Variants in USP6NL observed in about 807,000 individuals in gnomAD.
USP6NL encodes the protein USP6 N-terminal like.
USP6NL carries 26 observed loss-of-function variants against 61.9 expected under a neutral mutation model. The observed-to-expected ratio is 0.42, with a 90% CI of 0.31 to 0.58. USP6NL has a LOEUF of 0.58. Among genes scored for constraint, USP6NL ranks in the 20% least tolerant of loss-of-function variants. USP6NL has a pLI of 0.16. For synonymous variants in USP6NL, 432 were observed against 390.1 expected, an observed-to-expected ratio of 1.11 and a Z score of -1.27; for missense variants, 1,114 against 1,034.3, an observed-to-expected ratio of 1.08 and a Z score of -1.06.
Position 11,602,384 on chromosome 10 carries a change from T to A in USP6NL, c.-83-4667A>T, listed in dbSNP as rs2133683137. Among the ~76,000 whole-genome samples the A allele has an allele frequency of 6.6e-6, 1 of 152,268 alleles. No homozygotes were observed. The highest frequency in any genetic ancestry group is 6.5e-5 in the Admixed American group (1 of 15,292). On this transcript the variant is annotated intron_variant, in intron 1 of 14. Transcript: ENST00000609104. This position sits in a 1 kb window ranked among gnomAD's most constrained non-coding sequence, Gnocchi z 4.8. ...CAGGAAGGATTTACTATGTATAATATATAATATGTATTACAATAAATATAT... is the reference window on the plus strand; with the variant it reads ...CAGGAAGGATTTACTATGTATAATAAATAATATGTATTACAATAAATATAT...
chr10:11,566,954 A>G (rs551285708), intron 2 of USP6NL, among the ~76,000 whole-genome samples: 2 of 152,230 alleles, frequency 1.3e-5, no homozygotes, highest in African/African-American at 4.8e-5. Flanking sequence ...TCTACCAAAT[A>G]TAAGACAAAA....
chr10:11,568,170 T>C (rs1237587180), intron 2 of USP6NL, among the ~76,000 whole-genome samples: 1 of 151,790 alleles, frequency 6.6e-6, no homozygotes, highest in Admixed American at 6.6e-5. Context: ...TGTGTGTGTG[T>C]GTGTGCGCGC....
In USP6NL at chr10:11,515,737, T is replaced by C. The variant is rs1834927555; in HGVS notation, c.195+2798A>G. ...CCCTATCTTAACAGTTTGTTTTTCG[T>C]TTCAGTTAGGACTCATGAGTGAGGA... On this transcript the variant is annotated intron_variant, in intron 5 of 14. Transcript: ENST00000609104. Among the ~76,000 whole-genome samples the C allele has an allele frequency of 3.9e-5, 6 of 152,272 alleles. No homozygotes were observed. In the South Asian group the frequency reaches 1.2e-3, roughly 32 times the overall value.
chr10:11,589,791 T>C lies in USP6NL; in HGVS notation c.4+7840A>G, dbSNP rs577956886. 4.6e-5 allele frequency among the ~76,000 whole-genome samples: 7 copies of C among 152,330 alleles called. No individual in the cohort carries two copies. The highest frequency in any genetic ancestry group is 1.4e-4 in the African/African-American group (6 of 41,572). ...AAATGTTAATGAATATCTATTAGTG[T>C]CTGACTATAATCTTTTTATATTTTA... On this transcript the variant is annotated intron_variant, in intron 2 of 14. Coordinates refer to ENST00000609104, the MANE Select transcript of USP6NL (RefSeq NM_014688.5). The surrounding 1 kb of genome is among the most constrained non-coding windows in gnomAD (Gnocchi z 4.7).
chr10:11,580,538 C>T (rs966405819), intron 2 of USP6NL, among the ~76,000 whole-genome samples: 3 of 152,046 alleles, frequency 2.0e-5, no homozygotes, highest in East Asian at 1.9e-4. Context: ...GAATACTAGA[C>T]GGCATTAAAA....
At chr10:11,541,273 A>ATATGTATG (rs1322244187) in intron 2 of USP6NL, among the ~76,000 whole-genome samples, 2 of 113,558 alleles carry the variant, frequency 1.8e-5, no homozygotes, top group East Asian at 2.9e-4. Flanking sequence ...ATATATATAT[A>ATATGTATG]TATGTATGTC....
intron 2 of USP6NL, among the ~76,000 whole-genome samples, chr10:11,577,078 G>A (rs994899714): frequency 6.9e-5 from 8 of 115,852 alleles, no homozygotes; most frequent in Non-Finnish European, 1.1e-4. Context: ...TTTTTTTTTC[G>A]ATGGAGTCTG....
chr10:11,478,049 A>C lies in USP6NL; in HGVS notation c.1078+3721T>G, dbSNP rs565955525. 1.3e-5 allele frequency among the ~76,000 whole-genome samples: 2 copies of C among 152,268 alleles called. No individual in the cohort carries two copies. The highest frequency in any genetic ancestry group is 3.8e-4 in the East Asian group (2 of 5,206). On this transcript the variant is annotated intron_variant, in intron 14 of 14. Coordinates refer to ENST00000609104, the MANE Select transcript of USP6NL (RefSeq NM_014688.5). The surrounding 1 kb of genome is among the most constrained non-coding windows in gnomAD (Gnocchi z 6.8). ...AATCTTAGAAAACCTAAGATAACTG[A>C]TCAAATATATTGGCTACAAAAATAT...
Position 11,597,041 on chromosome 10 carries a change from G to A in USP6NL, c.4+590C>T, listed in dbSNP as rs1236677899. On this transcript the variant is annotated intron_variant, in intron 2 of 14. Transcript: ENST00000609104. This position sits in a 1 kb window ranked among gnomAD's most constrained non-coding sequence, Gnocchi z 4.6. ...CAATTCTTTTCCCACCCTCTAAAAA[G>A]AAACAGTTAACACAAAAAAGTAAAA... is the stretch of plus-strand genomic sequence containing the variant. 4.0e-5 allele frequency among the ~76,000 whole-genome samples: 6 copies of A among 151,808 alleles called. No homozygotes were observed. Among genetic ancestry groups the A allele is most frequent in the African/African-American group, 1.5e-4 (6 of 41,310 alleles).
At position 11,482,752 on chromosome 10, in the gene USP6NL, TAACA is replaced by T; in HGVS notation, c.926-834_926-831del. Among the ~76,000 whole-genome samples the T allele has an allele frequency of 6.6e-6, 1 of 152,192 alleles. No individual in the cohort carries two copies. The highest frequency in any genetic ancestry group is 1.9e-4 in the East Asian group (1 of 5,190). ...AAACCACTGTGTGATGAACCTCCAGTAACAACGTATTTTTAAGACAATCAGTAAG... is the reference window on the plus strand; with the variant it reads ...AAACCACTGTGTGATGAACCTCCAGTACGTATTTTTAAGACAATCAGTAAG... On this transcript the variant is annotated intron_variant, in intron 13 of 14. Transcript: ENST00000609104. The surrounding 1 kb of genome is among the most constrained non-coding windows in gnomAD (Gnocchi z 4.0).
chr10:11,527,323 G>A (rs1324061756), intron 3 of USP6NL, among the ~76,000 whole-genome samples, 177 bp downstream of exon 3: 1 of 152,214 alleles, frequency 6.6e-6, no homozygotes, highest in Admixed American at 6.5e-5. Context: ...GCAACCGACT[G>A]AAGTGGAGAA....
intron 2 of USP6NL, among the ~76,000 whole-genome samples, chr10:11,545,010 C>T (rs1343692104): frequency 6.6e-6 from 1 of 152,164 alleles, no homozygotes; most frequent in Non-Finnish European, 1.5e-5. Context: ...CAGTGGTTGT[C>T]CTGGGGAGAT....
rs558239460 is a variant in USP6NL, at chr10:11,468,575, G to A, written c.1079-4726C>T. Among the ~76,000 whole-genome samples the A allele has an allele frequency of 6.6e-6, 1 of 152,318 alleles. No individual in the cohort carries two copies. Among genetic ancestry groups the A allele is most frequent in the Non-Finnish European group, 1.5e-5 (1 of 68,028 alleles). On this transcript the variant is annotated intron_variant, in intron 14 of 14. Coordinates refer to ENST00000609104, the MANE Select transcript of USP6NL (RefSeq NM_014688.5). The surrounding 1 kb of genome is among the most constrained non-coding windows in gnomAD (Gnocchi z 4.5). ...GACAGGGTAGGGAAGAGAGGTCAAG[G>A]ACAGCAGCAAGATGGTTTCATAAAA...
intron 2 of USP6NL, among the ~76,000 whole-genome samples, chr10:11,555,410 G>A (rs1304239309): frequency 2.2e-4 from 8 of 37,164 alleles, no homozygotes; most frequent in East Asian, 7.6e-4. Flanking sequence ...AGTGAAACTC[G>A]GTCTTAAAAA....
intron 2 of USP6NL, among the ~76,000 whole-genome samples, chr10:11,545,437 G>T (rs1165767320): frequency 6.6e-6 from 1 of 152,234 alleles, no homozygotes; most frequent in African/African-American, 2.4e-5. Flanking sequence ...GTGCTGAGCA[G>T]AAAGAGGTGA....
At chr10:11,601,086 T>C (rs961173964) in intron 1 of USP6NL, among the ~76,000 whole-genome samples, 4 of 152,124 alleles carry the variant, frequency 2.6e-5, no homozygotes, top group Admixed American at 2.0e-4. Flanking sequence ...ATGCTATTCA[T>C]AATAGCAAAG....
intron 10 of USP6NL, among the ~76,000 whole-genome samples, chr10:11,488,819 TC>T (rs1253193726): frequency 6.6e-6 from 1 of 152,172 alleles, no homozygotes; most frequent in Non-Finnish European, 1.5e-5. Context: ...CTTAAATTCC[TC>T]CAAACCTAAA....
chr10:11,588,742 T>C (rs1164263189), intron 2 of USP6NL, among the ~76,000 whole-genome samples: 1 of 151,860 alleles, frequency 6.6e-6, no homozygotes, highest in Non-Finnish European at 1.5e-5. Context: ...TAACAACTTT[T>C]ATATCACATT....
rs185269603 is a variant in USP6NL, at chr10:11,553,664, G to A, written c.5-26097C>T. On this transcript the variant is annotated intron_variant, in intron 2 of 14. Coordinates refer to ENST00000609104, the MANE Select transcript of USP6NL (RefSeq NM_014688.5). This position sits in a 1 kb window ranked among gnomAD's most constrained non-coding sequence, Gnocchi z 4.8. ...AATCCCGGTACGTTGGAAGGCTGAG[G>A]TGGGTGGATTATCTGAGGTCAGGAG... Among the ~76,000 whole-genome samples the A allele has an allele frequency of 5.5e-4, 84 of 152,264 alleles. 1 individual carries two copies. In the East Asian group the frequency reaches 0.015, roughly 27 times the overall value.
Sources: allele counts gnomAD v4.1 joint callset (sites outside exome capture counted in the v4.1 genomes callset), GRCh38; gene constraint gnomAD v4.1.1; non-coding constraint Gnocchi (gnomAD v3.1); transcripts MANE v1.5; gene names NCBI Gene and HGNC (gene_info 2026-07-23, HGNC 2026-07-21).